KRABD5: variants seen among roughly 807,000 people sequenced by gnomAD.
KRABD5 encodes the protein KRAB domain-containing protein 5.
At chr16:31,729,366 C>T in the KRABD5 span, among the ~76,000 whole-genome samples, 1,402 of 152,300 alleles carry the variant, frequency 9.2e-3, 21 homozygotes, top group East Asian at 0.054. Context: ...AGGCAGAGAG[C>T]ATGACACTGG....
At chr16:31,718,757 A>C in the KRABD5 span, among the ~76,000 whole-genome samples, 1 of 152,226 alleles carries the variant, frequency 6.6e-6, no homozygotes. Flanking sequence ...CCACAGAGTC[A>C]GCCTGAGTCT....
the KRABD5 span, among the ~76,000 whole-genome samples, chr16:31,744,077 A>C: frequency 6.6e-6 from 1 of 152,176 alleles, no homozygotes; most frequent in Non-Finnish European, 1.5e-5. Context: ...AAACAGAGAC[A>C]AATTGACTTC....
chr16:31,722,680 C>T, the KRABD5 span: 6 of 1,613,158 alleles, frequency 3.7e-6, no homozygotes, highest in African/African-American at 8.0e-5. Flanking sequence ...GGAGTGGGAA[C>T]ACCTGGACTC....
At chr16:31,729,118 T>C in the KRABD5 span, among the ~76,000 whole-genome samples, 381 of 152,344 alleles carry the variant, frequency 2.5e-3, 2 homozygotes, top group African/African-American at 8.8e-3. Flanking sequence ...CTTTTGTTTA[T>C]CATTTGTATG....
the KRABD5 span, chr16:31,756,406 T>TA: frequency 2.0e-5 from 3 of 152,176 alleles, no homozygotes; most frequent in Non-Finnish European, 4.4e-5. Flanking sequence ...TTATTTAAAA[T>TA]ACTGGCATAC....
chr16:31,759,334 A>T, the KRABD5 span: 1 of 1,534,642 alleles, frequency 6.5e-7, no homozygotes, highest in Non-Finnish European at 8.8e-7. Context: ...ATTGTACTTT[A>T]TGTATTTTGT....
the KRABD5 span, chr16:31,759,496 C>T: frequency 7.6e-7 from 1 of 1,320,564 alleles, no homozygotes; most frequent in South Asian, 1.3e-5. Flanking sequence ...ATTTATTTGT[C>T]TAACATGTAC....
At chr16:31,725,885 A>G in the KRABD5 span, among the ~76,000 whole-genome samples, 6 of 152,338 alleles carry the variant, frequency 3.9e-5, no homozygotes, top group Admixed American at 3.3e-4. Flanking sequence ...CGTATCAGAT[A>G]TATTTTCTCC....
the KRABD5 span, among the ~76,000 whole-genome samples, chr16:31,727,210 CCTAAT>C: frequency 6.6e-6 from 1 of 152,186 alleles, no homozygotes; most frequent in Non-Finnish European, 1.5e-5. Context: ...TATAAAATCA[CCTAAT>C]CTGCAAGCAG....
At chr16:31,715,694 A>G in the KRABD5 span, among the ~76,000 whole-genome samples, 3 of 152,122 alleles carry the variant, frequency 2.0e-5, no homozygotes, top group Non-Finnish European at 4.4e-5. Flanking sequence ...CTGAACTCTG[A>G]ACTTGTGGGG....
At chr16:31,716,997 G>GTTTTTTTTTTTT in the KRABD5 span, among the ~76,000 whole-genome samples, 3 of 81,168 alleles carry the variant, frequency 3.7e-5, no homozygotes, top group Middle Eastern at 8.2e-3. Context: ...GTCAGTCTTT[G>GTTTTTTTTTTTT]TTTTTTTTTT....
At chr16:31,757,916 T>A in the KRABD5 span, 1 of 151,888 alleles carries the variant, frequency 6.6e-6, no homozygotes, top group Admixed American at 6.6e-5. Flanking sequence ...CTAAGATATC[T>A]GGAAGGATGG....
chr16:31,761,116 A>G, the KRABD5 span: 2 of 152,178 alleles, frequency 1.3e-5, no homozygotes, highest in Admixed American at 6.6e-5. Context: ...TGGAACAGTT[A>G]TGCAAGACAA....
the KRABD5 span, among the ~76,000 whole-genome samples, chr16:31,748,300 T>G: frequency 1.1e-3 from 166 of 152,336 alleles, 2 homozygotes; most frequent in Non-Finnish European, 2.9e-4. Flanking sequence ...CAGATAGTTG[T>G]AGATATGCGG....
the KRABD5 span, chr16:31,753,929 T>C: frequency 5.8e-6 from 9 of 1,550,888 alleles, no homozygotes; most frequent in Non-Finnish European, 7.8e-6. Flanking sequence ...ATGGATATTA[T>C]GATGGACATA....
the KRABD5 span, among the ~76,000 whole-genome samples, chr16:31,731,119 G>C: frequency 6.6e-6 from 1 of 152,074 alleles, no homozygotes; most frequent in Non-Finnish European, 1.5e-5. Flanking sequence ...ATCTGTGTAG[G>C]CTTATGTTTA....
chr16:31,738,785 T>C, the KRABD5 span, among the ~76,000 whole-genome samples: 1 of 152,188 alleles, frequency 6.6e-6, no homozygotes, highest in Non-Finnish European at 1.5e-5. Context: ...TAGTGTTCTG[T>C]TGATTTTTGT....
the KRABD5 span, chr16:31,733,609 G>A: frequency 2.2e-6 from 1 of 456,160 alleles, no homozygotes; most frequent in Non-Finnish European, 4.4e-6. Flanking sequence ...TATGAGTTTG[G>A]CTACTGTAGA....
At chr16:31,717,868 A>T in the KRABD5 span, among the ~76,000 whole-genome samples, 1 of 152,282 alleles carries the variant, frequency 6.6e-6, no homozygotes, top group South Asian at 2.1e-4. Context: ...GAAAATCTGC[A>T]GGCAGAATGG....
Sources: gnomAD v4.1 joint callset for allele counts (sites outside exome capture counted in the v4.1 genomes callset) on GRCh38, gnomAD v4.1.1 for gene constraint, MANE v1.5 for transcripts, NCBI Gene and HGNC (gene_info 2026-07-23, HGNC 2026-07-21) for gene names.